Variants in FLCN observed in about 807,000 individuals in gnomAD.
FLCN encodes the protein BHD skin lesion fibrofolliculoma protein.
FLCN carries 22 observed loss-of-function variants against 62.5 expected under a neutral mutation model. The ratio of observed to expected loss-of-function variants is 0.35; its 90% CI spans 0.25 to 0.50. FLCN has a LOEUF of 0.50. Among genes scored for constraint, FLCN ranks in the 20% least tolerant of loss-of-function variants. FLCN has a pLI of 0.97. For synonymous variants in FLCN, 319 were observed against 310.0 expected, an observed-to-expected ratio of 1.03 and a Z score of -0.30; for missense variants, 657 against 778.0, an observed-to-expected ratio of 0.84 and a Z score of 1.85.
Position 17,228,072 on chromosome 17 carries a change from C to T in FLCN, c.66G>A (p.Thr22=), listed in dbSNP as rs747210367. 3.1e-6 allele frequency: 5 copies of T among 1,613,556 alleles called. No individual in the cohort carries two copies. The highest frequency in any genetic ancestry group is 1.7e-5 in the Admixed American group (1 of 60,008). ...GAGGAAGTGGGGCGTGCAGCACCTC[C>T]GTGCAGAAGAGAGTGCGGGGGCCGT... The part of the protein sequence containing the change: ...ELHGPRTLFC[T]EVLHAPLPQG... The change falls in exon 4 of 14, where the codon ACG becomes ACA. Residue 22 remains threonine (T), a synonymous_variant. Transcript: ENST00000285071.
rs780988951 is a variant in FLCN at position 17,221,511 on chromosome 17, C to T, written c.871+26G>A. ...CGCCCCACGGCCATCCGGGCCAAGG[C>T]CCCGGCAACAGCACCCCTGCCTCAC... On this transcript the variant is annotated intron_variant, in intron 8 of 13. Coordinates refer to ENST00000285071, the MANE Select transcript of FLCN (RefSeq NM_144997.7). The T allele has an allele frequency of 8.7e-6, 14 of 1,613,804 alleles. No individual in the cohort carries two copies. In the South Asian group the frequency reaches 1.5e-4, roughly 18 times the overall value.
At chr17:17,224,255 A>C in intron 5 of FLCN, 112 bp from the exon 6 acceptor site, 1 of 989,688 alleles carries the variant, frequency 1.0e-6, no homozygotes, top group Non-Finnish European at 1.6e-6. Context: ...CAGCGTTAAT[A>C]ACGGGGAGAG....
chr17:17,216,436 C>T lies in FLCN; in HGVS notation c.1244G>A (p.Cys415Tyr), dbSNP rs1400882628. 6.2e-7 allele frequency: 1 copy of T among 1,613,870 alleles called. No homozygotes were observed. Among genetic ancestry groups the T allele is most frequent in the East Asian group, 2.2e-5 (1 of 44,878 alleles). Residue 415 changes from cysteine (C) to tyrosine (Y), a missense_variant, in exon 11 of 14, where the codon TGC becomes TAC. Cys to Tyr is a radical substitution (Grantham distance 194). Coordinates refer to ENST00000285071, the MANE Select transcript of FLCN (RefSeq NM_144997.7). The surrounding 1 kb of genome is among the most constrained non-coding windows in gnomAD (Gnocchi z 4.0). ...YSSQYEEAYRCNFLGLSPHVQ... is the reference protein window; with the variant it reads ...YSSQYEEAYRYNFLGLSPHVQ... Reference sequence around the variant, plus strand: ...GTGCGGGCTGAGCCCCAGGAAGTTGCACCGATAGGCCTCCTCGTACTGGCT... The same window carrying T: ...GTGCGGGCTGAGCCCCAGGAAGTTGTACCGATAGGCCTCCTCGTACTGGCT...
At chr17:17,234,212 T>C (rs147858994) in intron 1 of FLCN, among the ~76,000 whole-genome samples, 2 of 93,118 alleles carry the variant, frequency 2.1e-5, no homozygotes, top group Non-Finnish European at 5.1e-5. Context: ...TGTTTTTTTT[T>C]GGTTTGTTTT....
Position 17,216,394 on chromosome 17 carries a change from T to TG in FLCN, c.1285dup (p.His429ProfsTer27), listed in dbSNP as rs80338682. The TG allele has an allele frequency of 6.9e-5, 111 of 1,612,356 alleles. No homozygotes were observed. Among genetic ancestry groups the TG allele is most frequent in the Non-Finnish European group, 4.6e-5 (54 of 1,179,304 alleles). ...GGGGCACGCACCTGAGGAGAGCACG[T>TG]GGGGGGGGATCTGCACGTGCGGGCT... On this transcript the variant is annotated frameshift_variant, in exon 11 of 14. Coordinates refer to ENST00000285071, the MANE Select transcript of FLCN (RefSeq NM_144997.7). LOFTEE classifies it high-confidence loss of function. This position sits in a 1 kb window ranked among gnomAD's most constrained non-coding sequence, Gnocchi z 4.0.
chr17:17,216,586 C>G lies in FLCN; in HGVS notation c.1177-83G>C. On this transcript the variant is annotated intron_variant, in intron 10 of 13. Coordinates refer to ENST00000285071, the MANE Select transcript of FLCN (RefSeq NM_144997.7). The surrounding 1 kb of genome is among the most constrained non-coding windows in gnomAD (Gnocchi z 4.0). ...TCCATGCTCTACTACCCAAACCCCACACGCCTCCTGCAGCCCGGTCCAAGC... is the reference window on the plus strand; with the variant it reads ...TCCATGCTCTACTACCCAAACCCCAGACGCCTCCTGCAGCCCGGTCCAAGC... The G allele has an allele frequency of 6.3e-7, 1 of 1,589,882 alleles. No homozygotes were observed. Among genetic ancestry groups the G allele is most frequent in the Non-Finnish European group, 8.5e-7 (1 of 1,171,700 alleles).
intron 6 of FLCN, chr17:17,222,891 G>T: frequency 1.7e-6 from 1 of 579,356 alleles, no homozygotes. Context: ...AGCTTCTCCT[G>T]TCCCCTTCCT....
chr17:17,234,214 G>GTTTT (rs1436629658), intron 1 of FLCN, among the ~76,000 whole-genome samples: 13 of 125,280 alleles, frequency 1.0e-4, no homozygotes, highest in Non-Finnish European at 8.7e-5. Context: ...TTTTTTTTTG[G>GTTTT]TTTGTTTTTT....
At position 17,213,695 on chromosome 17, in the gene FLCN, G is replaced by A. The variant is rs1466102804; in HGVS notation, c.1700C>T (p.Ser567Phe). The change falls in exon 14 of 14, where the codon TCC becomes TTC. Residue 567 changes from serine (S) to phenylalanine (F), a missense_variant. Coordinates refer to ENST00000285071, the MANE Select transcript of FLCN (RefSeq NM_144997.7). ...LSKTYKSHLMSTVRSPTASES... is the reference protein window; with the variant it reads ...LSKTYKSHLMFTVRSPTASES... ...CGAGGCTGTGGGGCTGCGGACCGTG[G>A]ACATGAGGTGTGACTTGTAGGTCTT... The A allele has an allele frequency of 1.1e-5, 17 of 1,614,066 alleles. No individual in the cohort carries two copies. The highest frequency in any genetic ancestry group is 1.4e-5 in the Non-Finnish European group (17 of 1,180,038).
rs759405317 is a variant in FLCN at position 17,223,937 on chromosome 17, C to A, written c.603G>T (p.Gln201His). 24 of 1,613,260 alleles carry A rather than the reference C, an allele frequency of 1.5e-5. No individual in the cohort carries two copies. Among genetic ancestry groups the A allele is most frequent in the Non-Finnish European group, 1.9e-5 (22 of 1,180,048 alleles). ...GKVRGIIDELQGKALKVFEAE... is the reference protein window; with the variant it reads ...GKVRGIIDELHGKALKVFEAE... ...CTGAATTCACCTTGAGCGCCTTGCCCTGGAGCTCATCGATGATTCCCCGGA... is the reference window on the plus strand; with the variant it reads ...CTGAATTCACCTTGAGCGCCTTGCCATGGAGCTCATCGATGATTCCCCGGA... Residue 201 changes from glutamine to histidine, a missense_variant, in exon 6 of 14, where the codon CAG (glutamine) becomes CAT (histidine). Physicochemically the swap from Gln to His is conservative, Grantham distance 24. Transcript: ENST00000285071.
Position 17,219,131 on chromosome 17 carries a change from G to A in FLCN, c.950C>T (p.Thr317Ile), listed in dbSNP as rs2144896596. The A allele has an allele frequency of 6.2e-7, 1 of 1,614,206 alleles. No homozygotes were observed. Among genetic ancestry groups the A allele is most frequent in the Non-Finnish European group, 8.5e-7 (1 of 1,180,046 alleles). Residue 317 changes from threonine to isoleucine, a missense_variant, in exon 9 of 14, where the codon ACA (threonine) becomes ATA (isoleucine). By Grantham distance (89) the Thr-to-Ile change is moderately conservative. Transcript: ENST00000285071. ...GCCCTGGGTCAGCTCCCGCCCTTCT[G>A]TACTCTCTGGCAACACAGGGGCTTT... ...EEKAPVLPES[T>I]EGRELTQGPA...
intron 13 of FLCN, among the ~76,000 whole-genome samples, chr17:17,214,165 A>G (rs1316790327): frequency 6.6e-6 from 1 of 151,986 alleles, no homozygotes; most frequent in African/African-American, 2.4e-5. Context: ...CCTTCCTTAA[A>G]CTCGTGGAAG....
Position 17,216,384 on chromosome 17 carries a change from G to A in FLCN, c.1296C>T (p.Ser432=), listed in dbSNP as rs1201202304. ...ACAGCCCGCGGGGGCACGCACCTGA[G>A]GAGAGCACGTGGGGGGGGATCTGCA... is the stretch of plus-strand genomic sequence containing the variant. ...PHVQIPPHVL[S]SEFAVIVEVH... Residue 432 remains serine, a synonymous_variant, in exon 11 of 14, where the codon TCC becomes TCT. Transcript: ENST00000285071. This position sits in a 1 kb window ranked among gnomAD's most constrained non-coding sequence, Gnocchi z 4.0. 6.2e-7 allele frequency: 1 copy of A among 1,613,504 alleles called. No individual in the cohort carries two copies. The highest frequency in any genetic ancestry group is 1.1e-5 in the South Asian group (1 of 91,046).
intron 1 of FLCN, among the ~76,000 whole-genome samples, chr17:17,234,215 T>TTTG (rs1567833088): frequency 4.5e-5 from 6 of 134,514 alleles, no homozygotes; most frequent in African/African-American, 1.3e-4. Flanking sequence ...TTTTTTTTGG[T>TTTG]TTGTTTTTTT....
chr17:17,217,457 T>C (rs1019168196), intron 9 of FLCN: 5 of 508,612 alleles, frequency 9.8e-6, no homozygotes, highest in Non-Finnish European at 1.8e-5. Flanking sequence ...AAAAAGATGT[T>C]AACTTTGTGC....
chr17:17,226,012 G>A (rs2047235239), intron 5 of FLCN, 164 bp downstream of exon 5: 1 of 965,566 alleles, frequency 1.0e-6, no homozygotes, highest in South Asian at 1.4e-5. Flanking sequence ...CCGCAATTCT[G>A]GACAAGGGAG....
chr17:17,216,605 T>C lies in FLCN; in HGVS notation c.1177-102A>G. ...ACCCCACACGCCTCCTGCAGCCCGGTCCAAGCCCTCCCTCCTGCCAGAGGA... is the reference window on the plus strand; with the variant it reads ...ACCCCACACGCCTCCTGCAGCCCGGCCCAAGCCCTCCCTCCTGCCAGAGGA... On this transcript the variant is annotated intron_variant, in intron 10 of 13. Coordinates refer to ENST00000285071, the MANE Select transcript of FLCN (RefSeq NM_144997.7). This position sits in a 1 kb window ranked among gnomAD's most constrained non-coding sequence, Gnocchi z 4.0. The C allele has an allele frequency of 6.5e-7, 1 of 1,547,290 alleles. No individual in the cohort carries two copies. Among genetic ancestry groups the C allele is most frequent in the Admixed American group, 1.8e-5 (1 of 54,096 alleles).
At chr17:17,230,969 G>A (rs933381009) in intron 3 of FLCN, among the ~76,000 whole-genome samples, 18 of 152,064 alleles carry the variant, frequency 1.2e-4, no homozygotes, top group Non-Finnish European at 4.4e-5. Context: ...GGCCGAGGTG[G>A]GCAGATCACT....
chr17:17,224,760 A>T (rs2047201393), intron 5 of FLCN: 1 of 162,008 alleles, frequency 6.2e-6, no homozygotes, highest in Non-Finnish European at 1.4e-5. Flanking sequence ...CTGGTCTCGA[A>T]CTCCTGACCT....
Sources: gnomAD v4.1 joint callset for allele counts (sites outside exome capture counted in the v4.1 genomes callset) on GRCh38, gnomAD v4.1.1 for gene constraint, Gnocchi (gnomAD v3.1) non-coding constraint, MANE v1.5 for transcripts, NCBI Gene and HGNC (gene_info 2026-07-23, HGNC 2026-07-21) for gene names.